The following ANGPT2 variants were observed in gnomAD, a reference collection of about 807,000 sequenced individuals.
The protein encoded by ANGPT2 is angiopoietin-2.
Under a neutral mutation model 62.9 loss-of-function variants are expected in ANGPT2, and 28 were observed. The ratio of observed to expected loss-of-function variants is 0.44; its 90% CI spans 0.33 to 0.61. The LOEUF (loss-of-function observed/expected upper bound fraction) is 0.61. ANGPT2 is among the 20% of genes least tolerant of loss of function. The probability of loss-of-function intolerance (pLI) is 0.03; values close to 1 mark genes in which losing one functional copy is unlikely to be tolerated. For synonymous variants in ANGPT2, 284 were observed against 207.8 expected, an observed-to-expected ratio of 1.37 and a Z score of -3.15; for missense variants, 727 against 594.9, an observed-to-expected ratio of 1.22 and a Z score of -2.31.
chr8:6,515,911 T>C (rs1304439181), intron 5 of ANGPT2, among the ~76,000 whole-genome samples: 1 of 152,218 alleles, frequency 6.6e-6, no homozygotes, highest in East Asian at 1.9e-4. Flanking sequence ...TCCTGTTCTT[T>C]CATTTCCTAC....
intron 1 of ANGPT2, among the ~76,000 whole-genome samples, chr8:6,560,826 T>G (rs989369649): frequency 1.3e-5 from 2 of 152,244 alleles, no homozygotes; most frequent in Non-Finnish European, 2.9e-5. Flanking sequence ...TGAGCTTTGC[T>G]TATGGAGTTT....
rs959374422 is a variant in ANGPT2 at position 6,503,242 on chromosome 8, A to G, written c.1347T>C (p.Cys449=). 9.9e-6 allele frequency: 16 copies of G among 1,614,058 alleles called. No individual in the cohort carries two copies. The highest frequency in any genetic ancestry group is 1.3e-5 in the African/African-American group (1 of 74,930). The change falls in exon 9 of 9, where the codon TGT becomes TGC. Residue 449 remains cysteine, a synonymous_variant. Coordinates refer to ENST00000629816, the MANE Select transcript of ANGPT2 (RefSeq NM_001118887.2). ...MLTGGWWFDA[C]GPSNLNGMYY... is the part of the protein sequence containing the mutation. ...ACATTCCGTTCAAGTTGGAAGGACC[A>G]CATGCATCAAACCACCAGCCTGTGA...
chr8:6,532,573 T>TAAAA, intron 1 of ANGPT2, 86 bp from the exon 2 acceptor site: 2 of 758,436 alleles, frequency 2.6e-6, no homozygotes, highest in Non-Finnish European at 3.5e-6. Context: ...CTCCCTATCT[T>TAAAA]TAAAAAAAAA....
chr8:6,548,391 T>C (rs1822995350), intron 1 of ANGPT2, among the ~76,000 whole-genome samples: 1 of 152,150 alleles, frequency 6.6e-6, no homozygotes, highest in Non-Finnish European at 1.5e-5. Context: ...TTCCCGAAAA[T>C]GGCAGTGATA....
intron 1 of ANGPT2, among the ~76,000 whole-genome samples, chr8:6,536,224 C>T (rs1045583541): frequency 6.6e-6 from 1 of 152,108 alleles, no homozygotes; most frequent in Non-Finnish European, 1.5e-5. Context: ...ACAGGAACAG[C>T]CACAGTAATG....
intron 1 of ANGPT2, among the ~76,000 whole-genome samples, chr8:6,546,622 G>A (rs933649631): frequency 1.2e-4 from 18 of 152,194 alleles, no homozygotes; most frequent in African/African-American, 4.3e-4. Context: ...TAAATTATTT[G>A]GAGCTAACCG....
intron 1 of ANGPT2, among the ~76,000 whole-genome samples, chr8:6,545,256 C>G (rs918325223): frequency 1.3e-5 from 2 of 152,168 alleles, no homozygotes; most frequent in Non-Finnish European, 1.5e-5. Context: ...AGATCTTGAC[C>G]TCGGTGCTGG....
intron 4 of ANGPT2, 80 bp from the exon 5 acceptor site, chr8:6,520,071 G>A (rs1375711555): frequency 6.5e-6 from 10 of 1,532,336 alleles, no homozygotes; most frequent in Non-Finnish European, 8.9e-6. Flanking sequence ...CCAATCATTT[G>A]GTGAGTTTTA....
At chr8:6,520,898 G>T (rs1171875150) in intron 4 of ANGPT2, among the ~76,000 whole-genome samples, 7 of 152,174 alleles carry the variant, frequency 4.6e-5, no homozygotes, top group African/African-American at 1.7e-4. Flanking sequence ...CTGTGGTTTA[G>T]TAATTTGCCC....
At chr8:6,533,803 T>C (rs528401454) in intron 1 of ANGPT2, among the ~76,000 whole-genome samples, 2 of 152,276 alleles carry the variant, frequency 1.3e-5, no homozygotes, top group Admixed American at 1.3e-4. Flanking sequence ...GAGTCAGTCA[T>C]CAGACATGAT....
intron 7 of ANGPT2, 103 bp downstream of exon 7, chr8:6,513,575 T>C (rs3020217): frequency 0.32 from 258,450 of 795,818 alleles, 44,059 homozygotes; most frequent in Middle Eastern, 0.43. Flanking sequence ...CCTCGTGATC[T>C]GCCCACCTCG....
intron 2 of ANGPT2, among the ~76,000 whole-genome samples, chr8:6,530,942 T>A (rs2442605): frequency 0.19 from 28,216 of 152,108 alleles, 3,289 homozygotes; most frequent in African/African-American, 0.33. Context: ...TGATCCTTTT[T>A]GCTGAAGTAG....
At chr8:6,556,169 A>G (rs1441502167) in intron 1 of ANGPT2, among the ~76,000 whole-genome samples, 1 of 152,168 alleles carries the variant, frequency 6.6e-6, no homozygotes, top group Non-Finnish European at 1.5e-5. Context: ...TTTAATAAAA[A>G]CAAATTGTTA....
chr8:6,546,889 G>C (rs1822679899), intron 1 of ANGPT2, among the ~76,000 whole-genome samples: 1 of 152,138 alleles, frequency 6.6e-6, no homozygotes, highest in Non-Finnish European at 1.5e-5. Context: ...CCTTCATTAA[G>C]ATGTACCCTT....
chr8:6,540,625 G>T (rs1393210284), intron 1 of ANGPT2, among the ~76,000 whole-genome samples: 1 of 152,238 alleles, frequency 6.6e-6, no homozygotes, highest in Non-Finnish European at 1.5e-5. Context: ...TATATACACA[G>T]CAAGAATAGT....
In ANGPT2 at chr8:6,512,560, G is replaced by A. The variant is rs76313047; in HGVS notation, c.1196+1118C>T. On this transcript the variant is annotated intron_variant, in intron 7 of 8. Transcript: ENST00000629816. ...GCTCTTTAGACTCCTTTAGGCTGGC[G>A]TTGGTGCCAGTGGGCACACAGTCTC... Among the ~76,000 whole-genome samples the A allele has an allele frequency of 7.5e-3, 1,141 of 152,246 alleles. 16 individuals are homozygous for A. The highest frequency in any genetic ancestry group is 0.026 in the African/African-American group (1,081 of 41,558).
chr8:6,510,659 A>G (rs1250082115), intron 7 of ANGPT2, among the ~76,000 whole-genome samples: 1 of 152,190 alleles, frequency 6.6e-6, no homozygotes, highest in Non-Finnish European at 1.5e-5. Context: ...CTCTTAAGTC[A>G]TGGAGGTAGG....
intron 5 of ANGPT2, among the ~76,000 whole-genome samples, chr8:6,516,930 A>G (rs186368575): frequency 1.3e-5 from 2 of 152,334 alleles, no homozygotes; most frequent in Admixed American, 6.5e-5. Context: ...TTTGAGCCAT[A>G]TGAGTATTCG....
chr8:6,509,982 C>A (rs142886693), intron 7 of ANGPT2, among the ~76,000 whole-genome samples: 1 of 152,064 alleles, frequency 6.6e-6, no homozygotes, highest in Non-Finnish European at 1.5e-5. Context: ...AAATTTAAAT[C>A]CCAAAGTGTA....
Sources: allele counts gnomAD v4.1 joint callset (sites outside exome capture counted in the v4.1 genomes callset), GRCh38; gene constraint gnomAD v4.1.1; transcripts MANE v1.5; gene names NCBI Gene and HGNC (gene_info 2026-07-23, HGNC 2026-07-21).